KCNH1: variants seen among roughly 807,000 people sequenced by gnomAD.
The protein encoded by KCNH1 is voltage-gated delayed rectifier potassium channel KCNH1.
Under a neutral mutation model 69.2 loss-of-function variants are expected in KCNH1, and 27 were observed. That is an observed-to-expected ratio of 0.39 (90% CI 0.29 to 0.54). The LOEUF is 0.54. Among genes scored for constraint, KCNH1 ranks in the 20% least tolerant of loss-of-function variants. The pLI is 0.68. For synonymous variants in KCNH1, 456 were observed against 487.7 expected (o/e 0.93, Z 0.86); for missense variants, 798 against 1,261.6 (o/e 0.63, Z 5.57).
chr1:210,909,535 G>A (rs975922333), intron 7 of KCNH1, among the ~76,000 whole-genome samples: 4 of 152,162 alleles, frequency 2.6e-5, no homozygotes, highest in African/African-American at 4.8e-5. Context: ...AATTTGCATC[G>A]TTTCCATTTT....
At chr1:210,986,894 C>A (rs535855964) in intron 6 of KCNH1, among the ~76,000 whole-genome samples, 13 of 152,322 alleles carry the variant, frequency 8.5e-5, no homozygotes, top group African/African-American at 3.1e-4. Flanking sequence ...AACTTGGTTC[C>A]ATTCTCCCCA....
At chr1:210,749,112 C>A (rs1391055585) in intron 10 of KCNH1, among the ~76,000 whole-genome samples, 1 of 152,180 alleles carries the variant, frequency 6.6e-6, no homozygotes, top group Non-Finnish European at 1.5e-5. Flanking sequence ...TGATACCCTG[C>A]AGTCCCTCGT....
At chr1:211,058,611 A>G (rs74364159) in intron 5 of KCNH1, among the ~76,000 whole-genome samples, 7,333 of 152,228 alleles carry the variant, frequency 0.048, 267 homozygotes, top group Non-Finnish European at 0.07. Context: ...CATCCACAAA[A>G]AAAAGCAAGA....
At chr1:210,784,569 G>A (rs982980719) in intron 9 of KCNH1, among the ~76,000 whole-genome samples, 17 of 152,188 alleles carry the variant, frequency 1.1e-4, no homozygotes, top group Non-Finnish European at 2.2e-4. Flanking sequence ...AGCAATGGAG[G>A]TGCTGAGGGG....
At chr1:210,878,649 A>C (rs1686432103) in intron 7 of KCNH1, among the ~76,000 whole-genome samples, 1 of 152,114 alleles carries the variant, frequency 6.6e-6, no homozygotes, top group African/African-American at 2.4e-5. Flanking sequence ...ATAGAGGAAA[A>C]TTTATAGCAT....
intron 7 of KCNH1, among the ~76,000 whole-genome samples, chr1:210,833,553 A>G (rs918326864): frequency 2.6e-5 from 4 of 152,222 alleles, no homozygotes; most frequent in Non-Finnish European, 5.9e-5. Flanking sequence ...TTAAAGACTT[A>G]AACGTTAGAC....
chr1:211,118,172 G>GA (rs34959825), intron 1 of KCNH1, among the ~76,000 whole-genome samples: 2 of 152,142 alleles, frequency 1.3e-5, no homozygotes, highest in Non-Finnish European at 2.9e-5. Flanking sequence ...TATATATGGG[G>GA]AAAATGCCTA....
At chr1:210,991,009 T>C (rs949559020) in intron 6 of KCNH1, among the ~76,000 whole-genome samples, 6 of 152,276 alleles carry the variant, frequency 3.9e-5, no homozygotes, top group Non-Finnish European at 5.9e-5. Context: ...CTTTGCTCCT[T>C]ACTGTATAAA....
chr1:210,754,109 C>CG (rs1403644062), intron 10 of KCNH1, among the ~76,000 whole-genome samples: 1 of 151,590 alleles, frequency 6.6e-6, no homozygotes, highest in Non-Finnish European at 1.5e-5. Flanking sequence ...TTAGTAGAGA[C>CG]GGGGTTTCAC....
At chr1:211,040,006 A>G (rs370246997) in intron 5 of KCNH1, among the ~76,000 whole-genome samples, 2 of 152,046 alleles carry the variant, frequency 1.3e-5, no homozygotes, top group South Asian at 2.1e-4. Context: ...TGGCTAACAC[A>G]GTGAAACCCC....
At chr1:210,685,628 G>T (rs2149002097) in intron 10 of KCNH1, among the ~76,000 whole-genome samples, 1 of 152,238 alleles carries the variant, frequency 6.6e-6, no homozygotes, top group Admixed American at 6.5e-5. Flanking sequence ...TTTCAGACTT[G>T]GTATAAAGCT....
intron 7 of KCNH1, among the ~76,000 whole-genome samples, chr1:210,870,391 A>G (rs1453411875): frequency 6.6e-6 from 1 of 152,130 alleles, no homozygotes; most frequent in Non-Finnish European, 1.5e-5. Context: ...ATATCTCTCA[A>G]CACAGAACAC....
intron 5 of KCNH1, among the ~76,000 whole-genome samples, chr1:211,054,182 T>G (rs192016285): frequency 2.5e-3 from 387 of 151,996 alleles, no homozygotes; most frequent in Non-Finnish European, 4.1e-3. Flanking sequence ...CTCAGGAGTC[T>G]GAGGCAAGAG....
intron 10 of KCNH1, among the ~76,000 whole-genome samples, chr1:210,716,658 T>C (rs1382908765): frequency 6.6e-6 from 1 of 152,180 alleles, no homozygotes; most frequent in Non-Finnish European, 1.5e-5. Context: ...CACTGAGGCC[T>C]CCTGTGCTCA....
At position 210,770,337 on chromosome 1, in the gene KCNH1, C is replaced by T. The variant is rs111765414; in HGVS notation, c.2112+5011G>A. 1.3e-3 allele frequency among the ~76,000 whole-genome samples: 196 copies of T among 152,256 alleles called. 1 individual carries two copies. The highest frequency in any genetic ancestry group is 4.6e-3 in the African/African-American group (192 of 41,534). Reference sequence around the variant, plus strand: ...TGTATACCTATGTAACAAACCTGTACGTTCTGCACATGTATCCCAGAACTT... The same window carrying T: ...TGTATACCTATGTAACAAACCTGTATGTTCTGCACATGTATCCCAGAACTT... On this transcript the variant is annotated intron_variant, in intron 10 of 10. Coordinates refer to ENST00000271751, the MANE Select transcript of KCNH1 (RefSeq NM_172362.3).
intron 7 of KCNH1, among the ~76,000 whole-genome samples, chr1:210,909,015 G>A (rs937411401): frequency 3.9e-5 from 6 of 152,184 alleles, no homozygotes; most frequent in African/African-American, 1.2e-4. Flanking sequence ...TTATCACCAC[G>A]TAGCTATGAT....
intron 6 of KCNH1, among the ~76,000 whole-genome samples, chr1:210,951,264 G>A (rs1417236404): frequency 2.0e-5 from 3 of 152,156 alleles, no homozygotes; most frequent in Admixed American, 6.5e-5. Flanking sequence ...GGGGGTGAGG[G>A]GGCATAGCCT....
At chr1:210,898,007 C>G (rs1282632555) in intron 7 of KCNH1, among the ~76,000 whole-genome samples, 1 of 152,182 alleles carries the variant, frequency 6.6e-6, no homozygotes, top group Admixed American at 6.5e-5. Context: ...GCTGCCTCCT[C>G]CAGGAACATC....
chr1:210,994,130 C>T (rs1313798232), intron 6 of KCNH1, among the ~76,000 whole-genome samples: 2 of 152,312 alleles, frequency 1.3e-5, no homozygotes, highest in East Asian at 3.9e-4. Flanking sequence ...CTCCTATAAA[C>T]ATACTAGACT....
Sources: gnomAD v4.1 joint callset for allele counts (sites outside exome capture counted in the v4.1 genomes callset) on GRCh38, gnomAD v4.1.1 for gene constraint, MANE v1.5 for transcripts, NCBI Gene and HGNC (gene_info 2026-07-23, HGNC 2026-07-21) for gene names.